The following SHOC1 variants were observed in gnomAD, a reference collection of about 807,000 sequenced individuals.
SHOC1 encodes protein shortage in chiasmata 1 ortholog.
Under a neutral mutation model 179.2 loss-of-function variants are expected in SHOC1, and 136 were observed. The observed-to-expected ratio is 0.76, with a 90% CI of 0.66 to 0.87. The LOEUF is 0.87. SHOC1 is among the 40% of genes least tolerant of loss of function. The pLI, the probability that SHOC1 is intolerant of heterozygous loss-of-function variation, is 0.00. For missense variants in SHOC1, 1,538 were observed against 1,700.8 expected (o/e 0.90, Z 1.68); for synonymous variants, 489 against 586.6 (o/e 0.83, Z 2.41).
intron 3 of SHOC1, among the ~76,000 whole-genome samples, chr9:111,784,947 A>T (rs1312302332): frequency 2.0e-5 from 3 of 152,054 alleles, no homozygotes; most frequent in Admixed American, 2.0e-4. Context: ...ATTTGGGGGG[A>T]CACAAACATT....
intron 11 of SHOC1, among the ~76,000 whole-genome samples, chr9:111,741,065 C>G (rs1208557086): frequency 6.6e-6 from 1 of 152,150 alleles, no homozygotes; most frequent in Non-Finnish European, 1.5e-5. Flanking sequence ...AATTTCCGGC[C>G]GTTGTTAAAA....
At chr9:111,784,413 TC>T (rs370902316) in intron 3 of SHOC1, among the ~76,000 whole-genome samples, 24 of 152,314 alleles carry the variant, frequency 1.6e-4, no homozygotes, top group African/African-American at 5.3e-4. Flanking sequence ...ACATCTCACA[TC>T]TCCGTTACTA....
chr9:111,778,770 CAA>C (rs11295075), intron 4 of SHOC1, among the ~76,000 whole-genome samples: 2,924 of 74,078 alleles, frequency 0.039, 83 homozygotes, highest in African/African-American at 0.14. Context: ...GACTCTGTCT[CAA>C]AAAAAAAAAA....
At chr9:111,698,815 AAAT>A (rs1234455416) in intron 24 of SHOC1, among the ~76,000 whole-genome samples, 1 of 152,108 alleles carries the variant, frequency 6.6e-6, no homozygotes, top group African/African-American at 2.4e-5. Context: ...ATGGTGAGTA[AAAT>A]AATGTTAAAG....
chr9:111,763,211 A>G (rs1277694422), intron 5 of SHOC1, among the ~76,000 whole-genome samples: 1 of 152,050 alleles, frequency 6.6e-6, no homozygotes, highest in East Asian at 1.9e-4. Flanking sequence ...AAAGACCTCA[A>G]TAAATGAACA....
chr9:111,722,655 A>T lies in SHOC1; in HGVS notation c.1955-70T>A. On this transcript the variant is annotated intron_variant, in intron 14 of 27. Transcript: ENST00000682961. The stretch of plus-strand genomic sequence containing the variant: ...TATGCTCTTTTTGATGAACCAATTA[A>T]ATGTTATTTCGTGGAGATCCGAACT... The T allele has an allele frequency of 3.0e-6, 4 of 1,320,828 alleles. No individual in the cohort carries two copies. The South Asian group carries it at 5.7e-5, about 19-fold the overall frequency. 81.8% of individuals were successfully genotyped at this position (1,320,828 alleles called of 1,614,324 possible).
At chr9:111,697,190 C>T (rs550763668) in intron 24 of SHOC1, among the ~76,000 whole-genome samples, 4 of 142,134 alleles carry the variant, frequency 2.8e-5, no homozygotes, top group Non-Finnish European at 4.6e-5. Context: ...CTTTTCTCTC[C>T]TTTTTTTTTT....
At chr9:111,714,135 C>T (rs1832678082) in intron 17 of SHOC1, among the ~76,000 whole-genome samples, 1 of 152,170 alleles carries the variant, frequency 6.6e-6, no homozygotes, top group Admixed American at 6.5e-5. Context: ...CCACCTCAGT[C>T]TCCCTAATAG....
At chr9:111,728,165 G>A (rs557847264) in intron 12 of SHOC1, 116 bp from the exon 13 acceptor site, 106 of 740,394 alleles carry the variant, frequency 1.4e-4, no homozygotes, top group Non-Finnish European at 2.0e-4. Context: ...ATCTTTATGA[G>A]CACTTTGTTT....
At chr9:111,763,162 C>A (rs745465723) in intron 5 of SHOC1, among the ~76,000 whole-genome samples, 15 of 151,708 alleles carry the variant, frequency 9.9e-5, no homozygotes, top group African/African-American at 3.4e-4. Context: ...TATATAAAAT[C>A]TTTATGAAGA....
intron 14 of SHOC1, among the ~76,000 whole-genome samples, chr9:111,723,565 T>C (rs1453214096): frequency 6.6e-6 from 1 of 152,072 alleles, no homozygotes. Context: ...GCAGTTTAAA[T>C]GAAAGAAGAA....
chr9:111,777,622 T>G (rs780828676), intron 4 of SHOC1, among the ~76,000 whole-genome samples: 1 of 152,190 alleles, frequency 6.6e-6, no homozygotes, highest in Non-Finnish European at 1.5e-5. Flanking sequence ...GTTTCCTGAT[T>G]GATAACAGGT....
chr9:111,703,211 G>A (rs551431616), intron 22 of SHOC1, among the ~76,000 whole-genome samples: 1 of 152,106 alleles, frequency 6.6e-6, no homozygotes, highest in Non-Finnish European at 1.5e-5. Flanking sequence ...CTCTAATAGA[G>A]TTGTGTTTTT....
chr9:111,779,291 G>C (rs1301790987), intron 4 of SHOC1, among the ~76,000 whole-genome samples: 1 of 152,108 alleles, frequency 6.6e-6, no homozygotes, highest in Non-Finnish European at 1.5e-5. Flanking sequence ...TTCTGATTCA[G>C]TTAGTCCGTT....
At position 111,786,054 on chromosome 9, in the gene SHOC1, T is replaced by G. The variant is rs1216642200; in HGVS notation, c.46-19A>C. On this transcript the variant is annotated intron_variant, in intron 2 of 27. Coordinates refer to ENST00000682961, the MANE Select transcript of SHOC1 (RefSeq NM_001378211.1). The stretch of plus-strand genomic sequence containing the variant: ...CCACATTCTGTGGAAGAAAGAAAGA[T>G]TAGAAAATCTTTTAACATGTACTAT... The G allele has an allele frequency of 3.4e-6, 5 of 1,451,304 alleles. No individual in the cohort carries two copies. In the African/African-American group the frequency reaches 7.3e-5, roughly 21 times the overall value. 89.9% of individuals were successfully genotyped at this position (1,451,304 alleles called of 1,614,324 possible).
chr9:111,716,542 C>T (rs1832801069), intron 16 of SHOC1, among the ~76,000 whole-genome samples: 1 of 151,872 alleles, frequency 6.6e-6, no homozygotes, highest in African/African-American at 2.4e-5. Flanking sequence ...AGGTGTGCAC[C>T]ACCACGCCAG....
intron 19 of SHOC1, 136 bp downstream of exon 19, chr9:111,707,719 A>G: frequency 1.6e-6 from 1 of 621,538 alleles, no homozygotes; most frequent in South Asian, 1.9e-5. Context: ...TATGTAAAGC[A>G]TTTTTCAGGA....
Position 111,691,837 on chromosome 9 carries a change from C to T in SHOC1, c.4140G>A (p.Gln1380=). The change falls in exon 27 of 28, where the codon CAG becomes CAA. Residue 1380 remains glutamine (Q), a synonymous_variant. Coordinates refer to ENST00000682961, the MANE Select transcript of SHOC1 (RefSeq NM_001378211.1). ...HPFNLQYGAQ[Q]TACNKLYSQK... is the part of the protein sequence containing the mutation. ...GAGAGTACAATTTGTTACATGCAGT[C>T]TGCTGTGCACCATATTGTAAGTTGA... The T allele has an allele frequency of 6.2e-7, 1 of 1,613,670 alleles. No individual in the cohort carries two copies. The highest frequency in any genetic ancestry group is 1.1e-5 in the South Asian group (1 of 91,060).
Position 111,769,998 on chromosome 9 carries a change from T to G in SHOC1, c.442+5793A>C, listed in dbSNP as rs949563588. 4.0e-4 allele frequency among the ~76,000 whole-genome samples: 59 copies of G among 147,392 alleles called. 3 individuals carry two copies. In the East Asian group the frequency reaches 8.8e-3, roughly 22 times the overall value. ...CTGTTTTTTTTTTGTTTTTTTTTTT[T>G]TTTTTTTTTTAGTCTTAGTTTCATG... On this transcript the variant is annotated intron_variant, in intron 5 of 27. Transcript: ENST00000682961.
Sources: gnomAD v4.1 joint callset for allele counts (sites outside exome capture counted in the v4.1 genomes callset) on GRCh38, gnomAD v4.1.1 for gene constraint, MANE v1.5 for transcripts, NCBI Gene and HGNC (gene_info 2026-07-23, HGNC 2026-07-21) for gene names.